Variants in WDR41 observed in about 807,000 individuals in gnomAD.
WDR41 encodes WD repeat-containing protein 41.
A neutral mutation model predicts 69.3 loss-of-function variants in WDR41; 63 were observed. That is an observed-to-expected ratio of 0.91 (90% CI 0.74 to 1.12). The LOEUF (loss-of-function observed/expected upper bound fraction) is 1.12, where lower values mean the gene tolerates loss of function less well. Among genes scored for constraint, WDR41 ranks in the 50% most tolerant of loss-of-function variants. WDR41 has a pLI of 0.00. For missense variants in WDR41, 543 were observed against 534.5 expected, an observed-to-expected ratio of 1.02 and a Z score of -0.16; for synonymous variants, 185 against 192.1, an observed-to-expected ratio of 0.96 and a Z score of 0.31.
intron 1 of WDR41, chr5:77,545,811 A>G (rs987355036): frequency 1.9e-6 from 2 of 1,028,392 alleles, no homozygotes; most frequent in Admixed American, 2.3e-5. Flanking sequence ...TAAGTGCTCC[A>G]AGGAGGTGGC....
Position 77,492,170 on chromosome 5 carries a change from C to T in WDR41, c.51G>A (p.Glu17=), listed in dbSNP as rs768117916. 1.2e-6 allele frequency: 2 copies of T among 1,612,120 alleles called. No individual in the cohort carries two copies. The highest frequency in any genetic ancestry group is 1.7e-6 in the Non-Finnish European group (2 of 1,179,338). The part of the protein sequence containing the change: ...GGGREPQGLA[E]KSPLQTIGEE... ...CAGAGCAGACCCACCCGGGGTTTAC[C>T]TCGGCCAGTCCCTGCGGTTCTCGGC... is the stretch of plus-strand genomic sequence containing the variant. Residue 17 remains glutamate, a splice_region_variant and synonymous_variant, in exon 1 of 13, where the codon GAG becomes GAA. Coordinates refer to ENST00000296679, the MANE Select transcript of WDR41 (RefSeq NM_018268.4).
intron 2 of WDR41, among the ~76,000 whole-genome samples, chr5:77,474,580 G>A (rs1484250890): frequency 2.6e-5 from 4 of 152,134 alleles, no homozygotes; most frequent in African/African-American, 4.8e-5. Flanking sequence ...AGATGCTGAC[G>A]CAACCAATTC....
chr5:77,452,145 T>C (rs532529745), intron 6 of WDR41: 2 of 152,166 alleles, frequency 1.3e-5, no homozygotes, highest in South Asian at 4.1e-4. Flanking sequence ...CTGTTGTGAT[T>C]TGGATAGTAT....
intron 2 of WDR41, among the ~76,000 whole-genome samples, chr5:77,485,795 T>C (rs527702406): frequency 2.0e-5 from 3 of 152,270 alleles, no homozygotes; most frequent in South Asian, 2.1e-4. Flanking sequence ...ACAGGATTTA[T>C]TGGGTATCTT....
At chr5:77,470,246 C>A (rs1218394572) in intron 2 of WDR41, among the ~76,000 whole-genome samples, 1 of 152,072 alleles carries the variant, frequency 6.6e-6, no homozygotes, top group African/African-American at 2.4e-5. Context: ...TTTGTCACCA[C>A]CAGGCCTGTC....
chr5:77,511,487 G>T (rs952653490), intron 1 of WDR41, among the ~76,000 whole-genome samples: 2 of 152,114 alleles, frequency 1.3e-5, no homozygotes, highest in African/African-American at 2.4e-5. Flanking sequence ...ATATTCCATT[G>T]TCTGAATTAG....
rs116384884 is a variant in WDR41 at position 77,590,509 on chromosome 5, C to T, written c.42+29970G>A. Among the ~76,000 whole-genome samples the T allele has an allele frequency of 5.1e-3, 769 of 152,260 alleles. 6 individuals are homozygous for T. The highest frequency in any genetic ancestry group is 0.017 in the African/African-American group (710 of 41,548). ...ACAAGCCTCGAAGGATAGGGCTTCC[C>T]ACAGATACCTTTAATTGGGTACTTT... is the stretch of plus-strand genomic sequence containing the variant. On this transcript the variant is annotated intron_variant, in intron 1 of 5. Transcript: ENST00000509971.
At chr5:77,513,020 C>A (rs957452804) in intron 1 of WDR41, among the ~76,000 whole-genome samples, 1 of 152,126 alleles carries the variant, frequency 6.6e-6, no homozygotes, top group Non-Finnish European at 1.5e-5. Context: ...TGGCTGAAAT[C>A]TGGAACCTTA....
chr5:77,462,840 A>G (rs996105706), intron 4 of WDR41, among the ~76,000 whole-genome samples: 1 of 152,222 alleles, frequency 6.6e-6, no homozygotes, highest in Admixed American at 6.5e-5. Flanking sequence ...TCAATTTTAT[A>G]CAACCTGATA....
intron 1 of WDR41, among the ~76,000 whole-genome samples, chr5:77,569,631 G>A (rs1466997225): frequency 1.3e-5 from 2 of 152,084 alleles, no homozygotes; most frequent in African/African-American, 4.8e-5. Flanking sequence ...CCAGTAGAAT[G>A]ATTGCATCAC....
intron 1 of WDR41, among the ~76,000 whole-genome samples, chr5:77,596,061 A>G (rs1580040411): frequency 6.6e-6 from 1 of 152,312 alleles, no homozygotes; most frequent in East Asian, 1.9e-4. Flanking sequence ...TCAGTCTCAT[A>G]AAAAACAAAA....
chr5:77,437,321 A>G lies in WDR41; in HGVS notation c.1093+15T>C. Reference sequence around the variant, plus strand: ...AGGAGAGAAAAAGACTACCTTTTTGAGAGAAGACACACACCTGTTGGTACA... The same window carrying G: ...AGGAGAGAAAAAGACTACCTTTTTGGGAGAAGACACACACCTGTTGGTACA... On this transcript the variant is annotated intron_variant, in intron 11 of 12. Coordinates refer to ENST00000296679, the MANE Select transcript of WDR41 (RefSeq NM_018268.4). 2 of 1,610,856 alleles carry G rather than the reference A, an allele frequency of 1.2e-6. No individual in the cohort carries two copies. The highest frequency in any genetic ancestry group is 1.7e-6 in the Non-Finnish European group (2 of 1,177,746).
chr5:77,494,330 A>T (rs192968149), upstream of WDR41, among the ~76,000 whole-genome samples: 51 of 152,188 alleles, frequency 3.4e-4, no homozygotes, highest in African/African-American at 1.2e-3. Flanking sequence ...AATTACTTTA[A>T]ATATAAATAG....
Position 77,464,798 on chromosome 5 carries a change from G to C in WDR41, c.179C>G (p.Ala60Gly), listed in dbSNP as rs375882549. The C allele has an allele frequency of 1.2e-6, 2 of 1,612,658 alleles. No homozygotes were observed. Among genetic ancestry groups the C allele is most frequent in the Non-Finnish European group, 1.7e-6 (2 of 1,179,706 alleles). Reference protein sequence around the residue: ...VQLDDYRFASAGDDGIVVVWN... With the variant: ...VQLDDYRFASGGDDGIVVVWN... ...CACAACTACAATTCCATCATCACCA[G>C]CAGATGCAAATCTGGTTAGGGAGAA... Residue 60 changes from alanine to glycine, a missense_variant, in exon 3 of 13, where the codon GCT becomes GGT. Ala to Gly is a moderately conservative substitution (Grantham distance 60). Transcript: ENST00000296679.
intron 1 of WDR41, among the ~76,000 whole-genome samples, chr5:77,547,536 A>C (rs191158523): frequency 1.1e-4 from 17 of 151,884 alleles, no homozygotes; most frequent in Admixed American, 3.9e-4. Context: ...ACAAAAAAAA[A>C]AAACAAACAA....
chr5:77,596,979 A>T (rs1744239571), intron 1 of WDR41, among the ~76,000 whole-genome samples: 1 of 151,962 alleles, frequency 6.6e-6, no homozygotes, highest in Non-Finnish European at 1.5e-5. Flanking sequence ...AAATTTAGCC[A>T]GGCATAGTAG....
chr5:77,588,170 TG>T (rs1426868922), intron 1 of WDR41, among the ~76,000 whole-genome samples: 4 of 152,210 alleles, frequency 2.6e-5, no homozygotes, highest in African/African-American at 9.6e-5. Flanking sequence ...GCTTACATAT[TG>T]GGGATATGAA....
At chr5:77,519,632 C>T (rs1006336819) in intron 1 of WDR41, among the ~76,000 whole-genome samples, 3 of 151,496 alleles carry the variant, frequency 2.0e-5, no homozygotes, top group Non-Finnish European at 2.9e-5. Context: ...AAAAAACCAC[C>T]TTGGTTTGCA....
At chr5:77,525,866 G>C (rs1162614975) in intron 1 of WDR41, among the ~76,000 whole-genome samples, 1 of 152,140 alleles carries the variant, frequency 6.6e-6, no homozygotes, top group Non-Finnish European at 1.5e-5. Context: ...CAAAGGAGTG[G>C]AGCTCATTAG....
Sources: allele counts gnomAD v4.1 joint callset (sites outside exome capture counted in the v4.1 genomes callset), GRCh38; gene constraint gnomAD v4.1.1; transcripts MANE v1.5; gene names NCBI Gene and HGNC (gene_info 2026-07-23, HGNC 2026-07-21).